The following NYAP2 variants were observed in gnomAD, a reference collection of about 807,000 sequenced individuals.
NYAP2 encodes the protein neuronal tyrosine-phosphorylated phosphoinositide-3-kinase adapter 2.
A neutral mutation model predicts 50.4 loss-of-function variants in NYAP2; 23 were observed. The ratio of observed to expected loss-of-function variants is 0.46; its 90% confidence interval spans 0.33 to 0.65. The LOEUF is 0.65. NYAP2 is among the 30% of genes least tolerant of loss of function. The probability of loss-of-function intolerance (pLI) is 0.02; values close to 1 mark genes in which losing one functional copy is unlikely to be tolerated. For synonymous variants in NYAP2, 394 were observed against 365.2 expected, an observed-to-expected ratio of 1.08 and a Z score of -0.90; for missense variants, 885 against 861.0, an observed-to-expected ratio of 1.03 and a Z score of -0.35.
intron 4 of NYAP2, among the ~76,000 whole-genome samples, chr2:225,565,593 C>T (rs1168785433): frequency 6.6e-6 from 1 of 152,112 alleles, no homozygotes; most frequent in Non-Finnish European, 1.5e-5. Flanking sequence ...CATATGCTCT[C>T]CTATCTTCCA....
chr2:225,556,466 TC>T (rs1297268723), intron 4 of NYAP2, among the ~76,000 whole-genome samples: 1 of 152,162 alleles, frequency 6.6e-6, no homozygotes, highest in Non-Finnish European at 1.5e-5. Flanking sequence ...GGAGTGGCAC[TC>T]CCCCAGGTGA....
At chr2:225,416,881 CAG>C (rs1695133012) in intron 3 of NYAP2, among the ~76,000 whole-genome samples, 2 of 152,136 alleles carry the variant, frequency 1.3e-5, no homozygotes. Context: ...GCTCTTCTGA[CAG>C]AGGAAATTGC....
chr2:225,469,317 C>A (rs1689975528), intron 3 of NYAP2, among the ~76,000 whole-genome samples: 1 of 152,156 alleles, frequency 6.6e-6, no homozygotes, highest in South Asian at 2.1e-4. Context: ...CAATGAGATA[C>A]CATCTCATGC....
chr2:225,611,296 T>G (rs925776494), intron 5 of NYAP2, among the ~76,000 whole-genome samples: 3 of 152,118 alleles, frequency 2.0e-5, no homozygotes. Flanking sequence ...TAATCATGTG[T>G]GTGTGTGTTT....
chr2:225,542,405 C>G (rs13409375), intron 4 of NYAP2, among the ~76,000 whole-genome samples: 32,577 of 151,948 alleles, frequency 0.21, 3,491 homozygotes, highest in African/African-American at 0.23. Flanking sequence ...AGCTGTGGGT[C>G]TGTTGTATAC....
At chr2:225,441,843 G>A (rs1311437456) in intron 3 of NYAP2, among the ~76,000 whole-genome samples, 1 of 152,170 alleles carries the variant, frequency 6.6e-6, no homozygotes, top group Non-Finnish European at 1.5e-5. Context: ...AAGTTCATTA[G>A]CTTTTCTAAG....
At chr2:225,469,820 G>A (rs1475657942) in intron 3 of NYAP2, among the ~76,000 whole-genome samples, 1 of 152,054 alleles carries the variant, frequency 6.6e-6, no homozygotes, top group Non-Finnish European at 1.5e-5. Context: ...TGGACACAGG[G>A]AGGGGAACAT....
chr2:225,674,247 G>A, the NYAP2 span, among the ~76,000 whole-genome samples: 2 of 152,080 alleles, frequency 1.3e-5, no homozygotes, highest in African/African-American at 4.8e-5. Context: ...TTGTATATTA[G>A]GTTGTGGTAT....
chr2:225,484,794 C>T (rs779679813), intron 3 of NYAP2, among the ~76,000 whole-genome samples: 1 of 152,188 alleles, frequency 6.6e-6, no homozygotes, highest in Non-Finnish European at 1.5e-5. Context: ...AGTTGATTGG[C>T]CTGGTCTGGT....
In NYAP2 at chr2:225,527,646, TTTA is replaced by T. The variant is rs918039782; in HGVS notation, c.523+13986_523+13988del. Among the ~76,000 whole-genome samples, 3 of 152,094 alleles carry T rather than the reference TTTA, an allele frequency of 2.0e-5. 1 individual carries two copies. The highest frequency in any genetic ancestry group is 1.3e-4 in the Admixed American group (2 of 15,250). On this transcript the variant is annotated intron_variant, in intron 4 of 6. Transcript: ENST00000636099. ...CACAGGCCCACCCAGAACAATCTAC[TTTA>T]TTATTATTATTCTGTGACAGGGTCT...
In NYAP2 at chr2:225,513,686, T is replaced by C; in HGVS notation, c.523+14T>C. On this transcript the variant is annotated intron_variant, in intron 4 of 6. Coordinates refer to ENST00000636099, the Ensembl canonical transcript of NYAP2. ...AGAGGACTGAAGGTAAAACACGCCA[T>C]GTCCATGTCACCTAGAAATCTCTTT... 8 of 1,490,094 alleles carry C rather than the reference T, an allele frequency of 5.4e-6. No homozygotes were observed. Among genetic ancestry groups the C allele is most frequent in the African/African-American group, 1.4e-5 (1 of 70,610 alleles). 92.3% of individuals were successfully genotyped at this position (1,490,094 alleles called of 1,614,324 possible). A position where few individuals can be genotyped will look rare whatever the true frequency, so the allele number is the denominator to read the frequency against.
chr2:225,617,341 A>G (rs1693006731), intron 5 of NYAP2, among the ~76,000 whole-genome samples: 1 of 152,070 alleles, frequency 6.6e-6, no homozygotes. Context: ...AGGCAGGAGA[A>G]TTGCTTGAAC....
At chr2:225,575,209 A>G (rs544753758) in intron 4 of NYAP2, among the ~76,000 whole-genome samples, 25 of 152,136 alleles carry the variant, frequency 1.6e-4, no homozygotes, top group African/African-American at 5.5e-4. Flanking sequence ...CCCCTTTTCC[A>G]GCCTCCAATA....
At position 225,513,553 on chromosome 2, in the gene NYAP2, C is replaced by T. The variant is rs1690872385; in HGVS notation, c.404C>T (p.Ser135Leu). 8.7e-6 allele frequency: 14 copies of T among 1,609,714 alleles called. No individual in the cohort carries two copies. The highest frequency in any genetic ancestry group is 6.7e-5 in the African/African-American group (5 of 74,856). ...ACAGACGATGACAGCAGCTGTGGCT[C>T]ACGGAGACAACCACCACCCAAACCC... The change falls in exon 4 of 7, where the codon TCA (serine) becomes TTA (leucine). Residue 135 changes from serine (S) to leucine (L), a missense_variant. Ser to Leu is a moderately radical substitution (Grantham distance 145). Transcript: ENST00000636099.
At chr2:225,702,629 T>C in the NYAP2 span, 28 of 151,836 alleles carry the variant, frequency 1.8e-4, no homozygotes, top group Non-Finnish European at 3.0e-4. Flanking sequence ...CTGCTGTCTA[T>C]GTAAATCATT....
At chr2:225,612,365 C>A (rs1292875438) in intron 5 of NYAP2, among the ~76,000 whole-genome samples, 3 of 151,878 alleles carry the variant, frequency 2.0e-5, no homozygotes, top group African/African-American at 7.3e-5. Flanking sequence ...AAAGTGAACC[C>A]TCTCTGGAAA....
chr2:225,662,331 T>C, the NYAP2 span, among the ~76,000 whole-genome samples: 1 of 152,260 alleles, frequency 6.6e-6, no homozygotes. Context: ...CACAAGTGTC[T>C]GTGGATATTA....
downstream of NYAP2, among the ~76,000 whole-genome samples, chr2:225,658,543 G>GGCTA (rs1237563189): frequency 6.6e-6 from 1 of 152,164 alleles, no homozygotes; most frequent in African/African-American, 2.4e-5. Context: ...GAATGTCAGT[G>GGCTA]GCTAAGTGGA....
chr2:225,660,931 T>G, the NYAP2 span, among the ~76,000 whole-genome samples: 16 of 152,334 alleles, frequency 1.1e-4, no homozygotes, highest in East Asian at 3.1e-3. Context: ...ATGCATTATT[T>G]ATGAATATGT....
Sources: gnomAD v4.1 joint callset for allele counts (sites outside exome capture counted in the v4.1 genomes callset) on GRCh38, gnomAD v4.1.1 for gene constraint, MANE v1.5 for transcripts, NCBI Gene and HGNC (gene_info 2026-07-23, HGNC 2026-07-21) for gene names.